Variants in ADGRB3 observed in about 807,000 individuals in gnomAD.
ADGRB3 encodes the protein adhesion G protein-coupled receptor B3, also known as brain-specific angiogenesis inhibitor 3.
Under a neutral mutation model 193.4 loss-of-function variants are expected in ADGRB3, and 37 were observed. The ratio of observed to expected loss-of-function variants is 0.19; its 90% CI spans 0.15 to 0.25. The LOEUF (loss-of-function observed/expected upper bound fraction) is 0.25, where lower values mean the gene tolerates loss of function less well. Ranked by LOEUF, ADGRB3 falls within the 10% of genes least tolerant of loss-of-function variation. The pLI, the probability that ADGRB3 is intolerant of heterozygous loss-of-function variation, is 1.00. For missense variants in ADGRB3, 1,637 were observed against 1,852.9 expected, an observed-to-expected ratio of 0.88 and a Z score of 2.14; for synonymous variants, 690 against 644.2, an observed-to-expected ratio of 1.07 and a Z score of -1.08.
chr6:69,333,476 ATTAC>A (rs1274809985), intron 24 of ADGRB3, among the ~76,000 whole-genome samples: 1 of 152,098 alleles, frequency 6.6e-6, no homozygotes, highest in Non-Finnish European at 1.5e-5. Context: ...ACTTGGAATA[ATTAC>A]TTATCAAGCA....
At chr6:69,388,656 A>T in intron 31 of ADGRB3, 47 bp from the exon 32 acceptor site, 4 of 1,551,558 alleles carry the variant, frequency 2.6e-6, no homozygotes, top group Non-Finnish European at 3.5e-6. Flanking sequence ...ACTAGCGGTG[A>T]TCCTGGTCAT....
intron 31 of ADGRB3, 83 bp downstream of exon 31, chr6:69,383,018 G>A: frequency 6.7e-6 from 6 of 892,778 alleles, no homozygotes; most frequent in Non-Finnish European, 5.0e-6. Flanking sequence ...TCCTAATGGT[G>A]GGAACATAAG....
At chr6:68,978,881 A>G (rs1212994553) in intron 10 of ADGRB3, among the ~76,000 whole-genome samples, 2 of 151,428 alleles carry the variant, frequency 1.3e-5, no homozygotes, top group African/African-American at 4.8e-5. Context: ...TATTTAAAAT[A>G]GGGAGCTCTA....
At chr6:68,786,534 C>T (rs1015904957) in intron 3 of ADGRB3, among the ~76,000 whole-genome samples, 3 of 152,132 alleles carry the variant, frequency 2.0e-5, no homozygotes, top group African/African-American at 7.2e-5. Flanking sequence ...GGTACCAGTA[C>T]CATGCTGTTT....
chr6:69,092,104 T>G (rs1309043802), intron 17 of ADGRB3, among the ~76,000 whole-genome samples: 2 of 152,216 alleles, frequency 1.3e-5, no homozygotes, highest in Non-Finnish European at 2.9e-5. Context: ...CTCCAGAGAC[T>G]TCTTCACCTT....
At chr6:69,120,659 G>T (rs1303208411) in intron 17 of ADGRB3, among the ~76,000 whole-genome samples, 1 of 152,200 alleles carries the variant, frequency 6.6e-6, no homozygotes, top group African/African-American at 2.4e-5. Context: ...GAGGGGAGAT[G>T]GTAGCCTGGA....
chr6:69,102,102 C>G (rs907869925), intron 17 of ADGRB3, among the ~76,000 whole-genome samples: 1 of 142,770 alleles, frequency 7.0e-6, no homozygotes, highest in Non-Finnish European at 1.5e-5. Context: ...GGCGTGAACC[C>G]GGGAGGCGGA....
intron 3 of ADGRB3, among the ~76,000 whole-genome samples, chr6:68,665,582 G>A (rs1326321017): frequency 6.6e-6 from 1 of 151,884 alleles, no homozygotes; most frequent in Admixed American, 6.6e-5. Flanking sequence ...CATATGCAAA[G>A]TGTTTAGACA....
intron 3 of ADGRB3, among the ~76,000 whole-genome samples, chr6:68,905,349 C>T (rs375970349): frequency 3.3e-5 from 5 of 152,078 alleles, no homozygotes; most frequent in South Asian, 2.1e-4. Context: ...AGCCTCCTTC[C>T]GAGCCTCTGG....
chr6:69,037,772 G>A (rs933300325), intron 13 of ADGRB3, among the ~76,000 whole-genome samples: 8 of 151,764 alleles, frequency 5.3e-5, no homozygotes, highest in Non-Finnish European at 1.0e-4. Context: ...TTGCTCTATT[G>A]TGTCATTTTC....
At chr6:68,645,166 A>AT (rs1014824894) in intron 3 of ADGRB3, among the ~76,000 whole-genome samples, 2,083 of 150,464 alleles carry the variant, frequency 0.014, 29 homozygotes, top group African/African-American at 0.036. Flanking sequence ...AGATTTTGTA[A>AT]TTTTTTTTTT....
chr6:68,843,348 A>G (rs1331701747), intron 3 of ADGRB3, among the ~76,000 whole-genome samples: 1 of 152,102 alleles, frequency 6.6e-6, no homozygotes, highest in Admixed American at 6.6e-5. Flanking sequence ...CAAAGTCAAC[A>G]TATAAAAATC....
At chr6:68,970,625 A>C (rs753787869) in intron 8 of ADGRB3, among the ~76,000 whole-genome samples, 30 of 152,158 alleles carry the variant, frequency 2.0e-4, no homozygotes, top group Non-Finnish European at 3.8e-4. Context: ...TTTCTTATGC[A>C]CCATTGGTTC....
At chr6:69,134,287 A>C (rs986071862) in intron 17 of ADGRB3, among the ~76,000 whole-genome samples, 2 of 151,956 alleles carry the variant, frequency 1.3e-5, no homozygotes, top group Non-Finnish European at 2.9e-5. Context: ...CTTAACCTTT[A>C]CTGAGGGTTC....
chr6:68,961,490 G>T (rs951284011), intron 8 of ADGRB3, among the ~76,000 whole-genome samples: 1 of 152,144 alleles, frequency 6.6e-6, no homozygotes, highest in African/African-American at 2.4e-5. Context: ...CATGGAGGAA[G>T]ATGAGGTCTT....
chr6:68,692,529 G>A (rs542606176), intron 3 of ADGRB3, among the ~76,000 whole-genome samples: 1 of 151,562 alleles, frequency 6.6e-6, no homozygotes, highest in Non-Finnish European at 1.5e-5. Context: ...ATGCTACACC[G>A]TTTCTTCACC....
chr6:69,056,914 G>T (rs1771560323), intron 15 of ADGRB3, among the ~76,000 whole-genome samples: 1 of 152,062 alleles, frequency 6.6e-6, no homozygotes, highest in African/African-American at 2.4e-5. Flanking sequence ...CAGCTGTCAA[G>T]AATTCTTTGA....
Position 69,354,114 on chromosome 6 carries a change from A to C in ADGRB3, c.3460-119A>C, listed in dbSNP as rs550940465. ...AAGTTTTTTTAAAAAGAAGTAAACA[A>C]AATCAGTATAAGATAGTAAAATCAG... On this transcript the variant is annotated intron_variant, in intron 26 of 31. Coordinates refer to ENST00000370598, the MANE Select transcript of ADGRB3 (RefSeq NM_001704.3). 6.5e-4 allele frequency: 398 copies of C among 610,388 alleles called. 4 individuals carry two copies. In the Middle Eastern group the frequency reaches 7.0e-3, roughly 11 times the overall value. The allele number at this position is 610,388 out of a possible 1,614,324, so 37.8% of individuals were successfully genotyped here.
At chr6:68,809,637 A>G (rs1181062913) in intron 3 of ADGRB3, among the ~76,000 whole-genome samples, 1 of 152,222 alleles carries the variant, frequency 6.6e-6, no homozygotes, top group Non-Finnish European at 1.5e-5. Flanking sequence ...GAAAAGCAAG[A>G]CATGAGTTCA....
Sources: allele counts gnomAD v4.1 joint callset (sites outside exome capture counted in the v4.1 genomes callset), GRCh38; gene constraint gnomAD v4.1.1; transcripts MANE v1.5; gene names NCBI Gene and HGNC (gene_info 2026-07-23, HGNC 2026-07-21).